KLF12: variants seen among roughly 807,000 people sequenced by gnomAD.
KLF12 encodes the protein Krueppel-like factor 12.
Under a neutral mutation model 37.8 loss-of-function variants are expected in KLF12, and 9 were observed. That is an observed-to-expected ratio of 0.24 (90% CI 0.14 to 0.42). The LOEUF (loss-of-function observed/expected upper bound fraction) is 0.42. Ranked by LOEUF, KLF12 falls within the 10% of genes least tolerant of loss-of-function variation. The pLI is 1.00. For synonymous variants in KLF12, 208 were observed against 202.1 expected (o/e 1.03, Z -0.25); for missense variants, 411 against 516.0 (o/e 0.80, Z 1.97).
Position 73,764,672 on chromosome 13 carries a change from A to T in KLF12, c.869+266T>A, listed in dbSNP as rs542465194. 1.1e-4 allele frequency among the ~76,000 whole-genome samples: 17 copies of T among 152,276 alleles called. No individual in the cohort carries two copies. In the South Asian group the frequency reaches 3.3e-3, roughly 30 times the overall value. On this transcript the variant is annotated intron_variant, in intron 6 of 7. Coordinates refer to ENST00000377669, the MANE Select transcript of KLF12 (RefSeq NM_007249.5). ...AAGGAAAACATTCTTTAAAATAGGT[A>T]AGAGTTTATAATCTTGGGAACTTAG...
intron 2 of KLF12, among the ~76,000 whole-genome samples, chr13:73,965,788 G>A (rs1264365287): frequency 6.6e-6 from 1 of 152,150 alleles, no homozygotes; most frequent in Non-Finnish European, 1.5e-5. Context: ...CCTCTGTAGA[G>A]GTTATTAAGC....
the KLF12 span, among the ~76,000 whole-genome samples, chr13:74,206,826 G>A: frequency 6.6e-6 from 1 of 152,160 alleles, no homozygotes; most frequent in Non-Finnish European, 1.5e-5. Context: ...CGAGAACAAT[G>A]TGAATTGAAA....
chr13:73,763,811 G>T (rs1394640001), intron 6 of KLF12, among the ~76,000 whole-genome samples: 1 of 152,152 alleles, frequency 6.6e-6, no homozygotes, highest in African/African-American at 2.4e-5. Context: ...GGGATAACAT[G>T]CTTTAGCAAT....
intron 5 of KLF12, among the ~76,000 whole-genome samples, chr13:73,771,116 GC>G (rs1024774138): frequency 2.0e-5 from 3 of 152,088 alleles, no homozygotes; most frequent in African/African-American, 7.2e-5. Flanking sequence ...ACTGTAAGAT[GC>G]CCTCCCTAAC....
the KLF12 span, among the ~76,000 whole-genome samples, chr13:74,228,129 A>G: frequency 6.6e-6 from 1 of 152,144 alleles, no homozygotes; most frequent in Non-Finnish European, 1.5e-5. Context: ...TCTTCTCCCA[A>G]AGTTTATTTT....
At chr13:73,716,432 T>A (rs897796195) in intron 6 of KLF12, among the ~76,000 whole-genome samples, 6 of 152,222 alleles carry the variant, frequency 3.9e-5, no homozygotes, top group Non-Finnish European at 8.8e-5. Flanking sequence ...GTTAATATTT[T>A]GACATATTTT....
At chr13:73,818,387 C>T (rs1483453965) in intron 4 of KLF12, among the ~76,000 whole-genome samples, 1 of 152,230 alleles carries the variant, frequency 6.6e-6, no homozygotes, top group Non-Finnish European at 1.5e-5. Flanking sequence ...GGTGTATGGT[C>T]ACCCAAAGGT....
the KLF12 span, among the ~76,000 whole-genome samples, chr13:74,301,027 T>C: frequency 6.6e-6 from 1 of 152,202 alleles, no homozygotes; most frequent in Admixed American, 6.5e-5. Context: ...GGTTTTGGTA[T>C]GTTGAAGATT....
intron 4 of KLF12, among the ~76,000 whole-genome samples, chr13:73,831,582 G>T (rs529498193): frequency 2.6e-5 from 4 of 152,134 alleles, no homozygotes; most frequent in African/African-American, 9.6e-5. Context: ...TCTCTCCAAG[G>T]ACTAAAGCGC....
intron 1 of KLF12, among the ~76,000 whole-genome samples, chr13:74,000,586 T>TA (rs1370609876): frequency 1.3e-5 from 2 of 152,186 alleles, no homozygotes; most frequent in Admixed American, 1.3e-4. Context: ...TAGCAGATAC[T>TA]ACTACAGAAA....
chr13:73,985,994 C>A (rs1374135947), intron 2 of KLF12, among the ~76,000 whole-genome samples: 1 of 152,126 alleles, frequency 6.6e-6, no homozygotes, highest in Non-Finnish European at 1.5e-5. Flanking sequence ...GCAAGAGATA[C>A]AGGATGTCTT....
intron 3 of KLF12, among the ~76,000 whole-genome samples, chr13:73,921,928 A>G (rs1889136297): frequency 1.3e-5 from 2 of 152,212 alleles, no homozygotes; most frequent in Non-Finnish European, 2.9e-5. Context: ...CAAAGGAAAG[A>G]GGAGCTTTAG....
the KLF12 span, among the ~76,000 whole-genome samples, chr13:74,194,443 T>C: frequency 4.6e-5 from 7 of 152,326 alleles, no homozygotes; most frequent in African/African-American, 1.7e-4. Flanking sequence ...CCAGCAGGTT[T>C]GGTTATCTGG....
At chr13:74,150,983 A>G in the KLF12 span, among the ~76,000 whole-genome samples, 1 of 152,234 alleles carries the variant, frequency 6.6e-6, no homozygotes, top group Admixed American at 6.5e-5. Context: ...ATTTTCAATG[A>G]CTTTGATTCC....
intron 1 of KLF12, among the ~76,000 whole-genome samples, chr13:74,057,430 A>G (rs1417566242): frequency 1.3e-5 from 2 of 152,230 alleles, no homozygotes; most frequent in African/African-American, 4.8e-5. Context: ...AACAGGTTAC[A>G]GCATGTACTA....
chr13:74,055,876 T>C (rs578240660), intron 1 of KLF12, among the ~76,000 whole-genome samples: 1 of 152,242 alleles, frequency 6.6e-6, no homozygotes, highest in East Asian at 1.9e-4. Flanking sequence ...AACAGCAGGC[T>C]TGGATAATGA....
chr13:74,175,911 A>G, the KLF12 span, among the ~76,000 whole-genome samples: 1 of 152,156 alleles, frequency 6.6e-6, no homozygotes, highest in African/African-American at 2.4e-5. Context: ...TCCTTGGGCT[A>G]TCTATTCTTT....
chr13:74,048,190 A>G (rs993382794), intron 1 of KLF12, among the ~76,000 whole-genome samples: 1 of 152,254 alleles, frequency 6.6e-6, no homozygotes, highest in Admixed American at 6.5e-5. Context: ...GCTGCTCACT[A>G]TACATCAGCT....
At chr13:74,256,415 CATT>C in the KLF12 span, among the ~76,000 whole-genome samples, 11 of 152,240 alleles carry the variant, frequency 7.2e-5, no homozygotes, top group Non-Finnish European at 1.6e-4. Flanking sequence ...TTGTTCATCT[CATT>C]GTTGTGAAGA....
Sources: gnomAD v4.1 joint callset for allele counts (sites outside exome capture counted in the v4.1 genomes callset) on GRCh38, gnomAD v4.1.1 for gene constraint, MANE v1.5 for transcripts, NCBI Gene and HGNC (gene_info 2026-07-23, HGNC 2026-07-21) for gene names.